Variants in GPR158 observed in about 807,000 individuals in gnomAD.
GPR158 encodes the protein G protein-coupled receptor 158.
GPR158 carries 30 observed loss-of-function variants against 78.2 expected under a neutral mutation model. The ratio of observed to expected loss-of-function variants is 0.38; its 90% CI spans 0.29 to 0.52. The LOEUF is 0.52. GPR158 is among the 20% of genes least tolerant of loss of function. GPR158 has a pLI of 0.83. For missense variants in GPR158, 1,463 were observed against 1,523.5 expected, an observed-to-expected ratio of 0.96 and a Z score of 0.66; for synonymous variants, 581 against 591.1, an observed-to-expected ratio of 0.98 and a Z score of 0.25.
At chr10:25,246,039 C>A (rs944558041) in intron 2 of GPR158, among the ~76,000 whole-genome samples, 1 of 152,178 alleles carries the variant, frequency 6.6e-6, no homozygotes, top group Non-Finnish European at 1.5e-5. Flanking sequence ...AGCCATGTCA[C>A]CCCTTATGAC....
intron 5 of GPR158, among the ~76,000 whole-genome samples, chr10:25,499,332 C>A (rs1835923831): frequency 6.6e-6 from 1 of 152,156 alleles, no homozygotes; most frequent in Non-Finnish European, 1.5e-5. Flanking sequence ...GGCTCCAAAC[C>A]CTTTTGCAAA....
intron 4 of GPR158, among the ~76,000 whole-genome samples, chr10:25,434,936 T>C (rs899107880): frequency 1.5e-4 from 11 of 74,386 alleles, no homozygotes; most frequent in African/African-American, 2.4e-4. Context: ...CAGAAAGATA[T>C]ATATGCATTA....
At chr10:25,209,587 AT>A (rs1227815342) in intron 1 of GPR158, among the ~76,000 whole-genome samples, 1 of 152,184 alleles carries the variant, frequency 6.6e-6, no homozygotes, top group African/African-American at 2.4e-5. Flanking sequence ...TTTAAAATCT[AT>A]TTTATAACTG....
Position 25,195,213 on chromosome 10 carries a change from CT to C in GPR158, c.902+18901del, listed in dbSNP as rs1440678691. Among the ~76,000 whole-genome samples, 855 of 146,786 alleles carry C rather than the reference CT, an allele frequency of 5.8e-3. 8 individuals carry two copies. Among genetic ancestry groups the C allele is most frequent in the African/African-American group, 0.02 (804 of 40,308 alleles). ...AGATCAACTTTTTCTTTCTTTCTTTCTTTTTTTTTTGAGACGGAATCTCACT... is the reference window on the plus strand; with the variant it reads ...AGATCAACTTTTTCTTTCTTTCTTTCTTTTTTTTTGAGACGGAATCTCACT... On this transcript the variant is annotated intron_variant, in intron 1 of 10. Transcript: ENST00000376351.
chr10:25,433,691 TTTC>T (rs1171345432), intron 4 of GPR158, among the ~76,000 whole-genome samples: 5 of 23,158 alleles, frequency 2.2e-4, no homozygotes, highest in Admixed American at 6.3e-4. Flanking sequence ...TCTTTCTTTC[TTTC>T]TTTTTTTTTT....
intron 5 of GPR158, among the ~76,000 whole-genome samples, chr10:25,522,437 T>A (rs16926028): frequency 0.019 from 2,913 of 152,322 alleles, 80 homozygotes; most frequent in African/African-American, 0.067. Flanking sequence ...TGGCCTCCTT[T>A]TCCCTTGTAA....
chr10:25,390,415 C>T (rs1429321272), intron 2 of GPR158, among the ~76,000 whole-genome samples: 3 of 152,214 alleles, frequency 2.0e-5, no homozygotes, highest in East Asian at 3.9e-4. Flanking sequence ...CCAGGCTGAG[C>T]TGTTCCAGAT....
chr10:25,197,172 C>G (rs553537498), intron 1 of GPR158, among the ~76,000 whole-genome samples: 1 of 152,226 alleles, frequency 6.6e-6, no homozygotes, highest in South Asian at 2.1e-4. Flanking sequence ...GAACCTAGGC[C>G]CTCTGACCAG....
intron 2 of GPR158, among the ~76,000 whole-genome samples, chr10:25,383,543 G>A (rs939133984): frequency 3.9e-5 from 6 of 152,334 alleles, no homozygotes; most frequent in Admixed American, 6.5e-5. Context: ...GCCCTGAAAT[G>A]AAGGCTTGTT....
intron 5 of GPR158, among the ~76,000 whole-genome samples, chr10:25,530,524 C>T (rs923415175): frequency 2.6e-5 from 4 of 152,166 alleles, no homozygotes; most frequent in Admixed American, 6.5e-5. Flanking sequence ...CCCACCTCCC[C>T]GCAGAAGGTG....
chr10:25,230,817 A>G (rs1447638726), intron 2 of GPR158, among the ~76,000 whole-genome samples: 2 of 152,196 alleles, frequency 1.3e-5, no homozygotes, highest in Non-Finnish European at 2.9e-5. Flanking sequence ...TTATTCAGTC[A>G]CACCTTGCAG....
At chr10:25,471,109 TC>T (rs949679658) in intron 5 of GPR158, among the ~76,000 whole-genome samples, 4 of 123,658 alleles carry the variant, frequency 3.2e-5, no homozygotes, top group African/African-American at 8.9e-5. Flanking sequence ...CCCTTGCCCC[TC>T]CCCCCACCCC....
chr10:25,360,978 A>G (rs1315614211), intron 2 of GPR158, among the ~76,000 whole-genome samples: 1 of 151,910 alleles, frequency 6.6e-6, no homozygotes, highest in Non-Finnish European at 1.5e-5. Flanking sequence ...GATCCTTCAC[A>G]TCCCTTGTAA....
chr10:25,515,200 A>T (rs1017187656), intron 5 of GPR158, among the ~76,000 whole-genome samples: 2 of 151,836 alleles, frequency 1.3e-5, no homozygotes, highest in South Asian at 2.1e-4. Context: ...TTCATTTTTT[A>T]AAAAATTTTT....
intron 2 of GPR158, among the ~76,000 whole-genome samples, chr10:25,261,427 G>A (rs893695314): frequency 2.6e-5 from 4 of 152,086 alleles, no homozygotes; most frequent in Non-Finnish European, 4.4e-5. Context: ...ATAGCAAAAT[G>A]TTCAGCTTGT....
At chr10:25,439,774 C>T (rs934843941) in intron 4 of GPR158, among the ~76,000 whole-genome samples, 1 of 152,048 alleles carries the variant, frequency 6.6e-6, no homozygotes, top group African/African-American at 2.4e-5. Flanking sequence ...AGTGCAAAAT[C>T]CTATTGGAAT....
At chr10:25,203,196 T>C (rs1277727359) in intron 1 of GPR158, among the ~76,000 whole-genome samples, 1 of 152,350 alleles carries the variant, frequency 6.6e-6, no homozygotes, top group East Asian at 1.9e-4. Context: ...ACTCCCATTC[T>C]GTAGGTTGCC....
At chr10:25,230,965 T>C (rs1476245264) in intron 2 of GPR158, among the ~76,000 whole-genome samples, 1 of 152,218 alleles carries the variant, frequency 6.6e-6, no homozygotes, top group Non-Finnish European at 1.5e-5. Flanking sequence ...TAAATTTTTC[T>C]GTAGTGTTAA....
intron 5 of GPR158, among the ~76,000 whole-genome samples, chr10:25,537,161 T>G (rs1488456750): frequency 6.6e-6 from 1 of 152,248 alleles, no homozygotes; most frequent in African/African-American, 2.4e-5. Context: ...TGCATACTCA[T>G]GCAGAGGCCC....
Sources: allele counts gnomAD v4.1 joint callset (sites outside exome capture counted in the v4.1 genomes callset), GRCh38; gene constraint gnomAD v4.1.1; transcripts MANE v1.5; gene names NCBI Gene and HGNC (gene_info 2026-07-23, HGNC 2026-07-21).